Variants in CAPN9 observed in about 807,000 individuals in gnomAD.
The protein encoded by CAPN9 is calpain 9, also known as calpain-9.
Under a neutral mutation model 92.8 loss-of-function variants are expected in CAPN9, and 81 were observed. The observed-to-expected ratio is 0.87, with a 90% CI of 0.73 to 1.05. CAPN9 has a LOEUF of 1.05. CAPN9 is among the 50% of genes least tolerant of loss of function. The pLI is 0.00. For missense variants in CAPN9, 848 were observed against 866.2 expected (o/e 0.98, Z 0.26); for synonymous variants, 304 against 328.0 (o/e 0.93, Z 0.79).
At chr1:230,799,099 C>T (rs115562220) in intron 19 of CAPN9, among the ~76,000 whole-genome samples, 3,021 of 152,312 alleles carry the variant, frequency 0.02, 106 homozygotes, top group African/African-American at 0.068. Context: ...CAGCCTGTGG[C>T]TCCTCCCCAG....
At chr1:230,761,175 G>A (rs1158944616) in intron 3 of CAPN9, among the ~76,000 whole-genome samples, 4 of 152,066 alleles carry the variant, frequency 2.6e-5, no homozygotes, top group African/African-American at 7.2e-5. Context: ...TGTCAGTCCC[G>A]CAATAACAAT....
At chr1:230,793,863 T>G (rs1267705369) in intron 17 of CAPN9, among the ~76,000 whole-genome samples, 1 of 152,176 alleles carries the variant, frequency 6.6e-6, no homozygotes, top group Non-Finnish European at 1.5e-5. Flanking sequence ...GAGGAGGAAC[T>G]GAGCAGGGGA....
At chr1:230,749,853 G>A (rs144307992) in intron 1 of CAPN9, among the ~76,000 whole-genome samples, 4 of 152,192 alleles carry the variant, frequency 2.6e-5, no homozygotes, top group African/African-American at 9.6e-5. Context: ...TAACACCATC[G>A]TCTCCTGACT....
chr1:230,757,068 A>AAGGAAGGAAG (rs1572017103), intron 2 of CAPN9, among the ~76,000 whole-genome samples: 25 of 35,336 alleles, frequency 7.1e-4, no homozygotes, highest in East Asian at 2.8e-3. Flanking sequence ...AAGGAAGGAA[A>AAGGAAGGAAG]GGAGAAAATA....
chr1:230,795,267 G>A lies in CAPN9; in HGVS notation c.1975G>A (p.Glu659Lys). 6.2e-7 allele frequency: 1 copy of A among 1,607,732 alleles called. No individual in the cohort carries two copies. Among genetic ancestry groups the A allele is most frequent in the Non-Finnish European group, 8.5e-7 (1 of 1,176,044 alleles). ...DDFLNCLVRL[E>K]NASRVFQALS... is the part of the protein sequence containing the mutation. ...CTTCCTCAACTGCCTGGTCCGGCTGGAGAATGCGAGCCGTAAGTGTCCAGC... is the reference window on the plus strand; with the variant it reads ...CTTCCTCAACTGCCTGGTCCGGCTGAAGAATGCGAGCCGTAAGTGTCCAGC... The change falls in exon 18 of 20, where the codon GAG (glutamate) becomes AAG (lysine). Residue 659 changes from glutamate (E) to lysine (K), a missense_variant. Glu to Lys is a moderately conservative substitution (Grantham distance 56, BLOSUM62 1). Coordinates refer to ENST00000271971, the MANE Select transcript of CAPN9 (RefSeq NM_006615.3).
chr1:230,769,397 G>T, intron 6 of CAPN9, 134 bp downstream of exon 6: 1 of 649,914 alleles, frequency 1.5e-6, no homozygotes, highest in Middle Eastern at 2.7e-4. Context: ...ACCTAAAGAG[G>T]CAGGCTGGAA....
chr1:230,798,123 G>A (rs1293093269), intron 18 of CAPN9, 39 bp from the exon 19 acceptor site: 2 of 1,472,600 alleles, frequency 1.4e-6, no homozygotes, highest in Non-Finnish European at 1.9e-6. Context: ...TAAAGGAATT[G>A]TCTTTAAAAG....
At chr1:230,764,685 A>G (rs149859289) in intron 4 of CAPN9, among the ~76,000 whole-genome samples, 1 of 152,336 alleles carries the variant, frequency 6.6e-6, no homozygotes, top group African/African-American at 2.4e-5. Context: ...TAGGAGTACA[A>G]ATGAAAAATT....
In CAPN9 at chr1:230,756,305, TGAGA is replaced by T. The variant is rs113474263; in HGVS notation, c.283+918_283+921del. Among the ~76,000 whole-genome samples, 383 of 141,310 alleles carry T rather than the reference TGAGA, an allele frequency of 2.7e-3. 2 individuals are homozygous for T. The highest frequency in any genetic ancestry group is 4.7e-3 in the Non-Finnish European group (303 of 64,278). The allele number at this position is 141,310 out of a possible 152,430, so 92.7% of individuals were successfully genotyped here. On this transcript the variant is annotated intron_variant, in intron 2 of 19. Transcript: ENST00000271971. ...TTAATTAGCTAGACAGAGAGACAAT[TGAGA>T]GAGAGAGAGAGAGAGAGAAGCAAAT...
chr1:230,795,881 G>C (rs1486531521), intron 18 of CAPN9, among the ~76,000 whole-genome samples: 1 of 152,046 alleles, frequency 6.6e-6, no homozygotes, highest in Non-Finnish European at 1.5e-5. Flanking sequence ...TGCCCTCAAG[G>C]GTGCCTCGTG....
intron 6 of CAPN9, among the ~76,000 whole-genome samples, chr1:230,771,107 G>A (rs1167917951): frequency 4.6e-5 from 7 of 152,140 alleles, no homozygotes. Context: ...TGGTTTGCTT[G>A]ATTTTGCTTC....
chr1:230,767,082 A>C (rs1666030589), intron 4 of CAPN9, among the ~76,000 whole-genome samples: 1 of 152,180 alleles, frequency 6.6e-6, no homozygotes, highest in South Asian at 2.1e-4. Flanking sequence ...GAGACCAGAG[A>C]AGAAGGGAAA....
chr1:230,751,977 C>G (rs1664875652), intron 1 of CAPN9, among the ~76,000 whole-genome samples: 1 of 152,148 alleles, frequency 6.6e-6, no homozygotes, highest in South Asian at 2.1e-4. Flanking sequence ...ATCGTCCTAT[C>G]ACAGGACTGT....
intron 19 of CAPN9, among the ~76,000 whole-genome samples, chr1:230,800,733 C>G (rs1668678806): frequency 6.6e-6 from 1 of 152,192 alleles, no homozygotes; most frequent in Non-Finnish European, 1.5e-5. Context: ...CTCCCTAGAT[C>G]AATTAAATCT....
chr1:230,787,676 C>T (rs987883879), intron 13 of CAPN9, 74 bp downstream of exon 13: 11 of 1,346,770 alleles, frequency 8.2e-6, no homozygotes, highest in Middle Eastern at 2.3e-4. Flanking sequence ...GGGTTGCAGT[C>T]GTGGGGTTGG....
chr1:230,762,222 G>A (rs1228628378), intron 3 of CAPN9, among the ~76,000 whole-genome samples: 2 of 152,224 alleles, frequency 1.3e-5, no homozygotes. Context: ...GAAAATTGGA[G>A]CTAGACCCTG....
intron 8 of CAPN9, chr1:230,776,470 G>C (rs1666787796): frequency 6.6e-6 from 1 of 152,204 alleles, no homozygotes; most frequent in African/African-American, 2.4e-5. Flanking sequence ...AGCTCGAACA[G>C]TTCCATGATC....
intron 1 of CAPN9, among the ~76,000 whole-genome samples, chr1:230,748,966 G>A (rs1290494440): frequency 2.0e-5 from 3 of 152,160 alleles, no homozygotes; most frequent in Non-Finnish European, 2.9e-5. Flanking sequence ...ACGCACTTGT[G>A]TGTGTAGGAA....
intron 1 of CAPN9, among the ~76,000 whole-genome samples, chr1:230,754,164 C>A (rs1420746175): frequency 6.6e-6 from 1 of 151,624 alleles, no homozygotes; most frequent in Non-Finnish European, 1.5e-5. Context: ...GAGAGCACCG[C>A]CCTCCGCGTC....
Sources: allele counts gnomAD v4.1 joint callset (sites outside exome capture counted in the v4.1 genomes callset), GRCh38; gene constraint gnomAD v4.1.1; transcripts MANE v1.5; gene names NCBI Gene and HGNC (gene_info 2026-07-23, HGNC 2026-07-21).